The following SBF2 variants were observed in gnomAD, a reference collection of about 807,000 sequenced individuals.
SBF2 encodes SET binding factor 2.
SBF2 carries 112 observed loss-of-function variants against 225.2 expected under a neutral mutation model. That is an observed-to-expected ratio of 0.50 (90% confidence interval 0.43 to 0.58). SBF2 has a LOEUF of 0.58. Among genes scored for constraint, SBF2 ranks in the 20% least tolerant of loss-of-function variants. The probability of loss-of-function intolerance (pLI) is 0.00; values close to 1 mark genes in which losing one functional copy is unlikely to be tolerated. For synonymous variants in SBF2, 763 were observed against 773.3 expected (o/e 0.99, Z 0.22); for missense variants, 1,996 against 2,206.2 (o/e 0.90, Z 1.91).
At chr11:9,911,073 A>C (rs947362910) in intron 16 of SBF2, among the ~76,000 whole-genome samples, 12 of 150,096 alleles carry the variant, frequency 8.0e-5, no homozygotes, top group Admixed American at 1.3e-4. Context: ...AACAAAAAAA[A>C]CAAAAAAAAC....
intron 1 of SBF2, among the ~76,000 whole-genome samples, chr11:10,200,459 G>C (rs1478586964): frequency 1.3e-5 from 2 of 152,050 alleles, no homozygotes; most frequent in Non-Finnish European, 2.9e-5. Context: ...ATGAAGAATG[G>C]TGTTATTTAA....
At chr11:9,822,685 A>C (rs985555726) in intron 28 of SBF2, among the ~76,000 whole-genome samples, 1 of 152,188 alleles carries the variant, frequency 6.6e-6, no homozygotes, top group Non-Finnish European at 1.5e-5. Context: ...GGAATGCGTT[A>C]CTGTTCAGAG....
At chr11:9,933,871 G>C (rs60713856) in intron 16 of SBF2, among the ~76,000 whole-genome samples, 24,694 of 152,046 alleles carry the variant, frequency 0.16, 2,163 homozygotes, top group East Asian at 0.38. Context: ...TGAATCCAGG[G>C]GCTGGTTTTT....
chr11:10,175,532 A>G (rs1334405979), intron 2 of SBF2, among the ~76,000 whole-genome samples: 3 of 151,798 alleles, frequency 2.0e-5, no homozygotes, highest in Admixed American at 6.6e-5. Context: ...GCGACCTACA[A>G]AGAGACTTAG....
intron 2 of SBF2, among the ~76,000 whole-genome samples, chr11:10,180,637 T>G (rs1956701927): frequency 6.6e-6 from 1 of 152,210 alleles, no homozygotes; most frequent in Admixed American, 6.5e-5. Context: ...TAATTTTCTG[T>G]TATTATCACT....
At chr11:9,965,818 G>A (rs1199930784) in intron 14 of SBF2, among the ~76,000 whole-genome samples, 1 of 152,050 alleles carries the variant, frequency 6.6e-6, no homozygotes, top group Non-Finnish European at 1.5e-5. Flanking sequence ...TTAATTTCCT[G>A]GTTAAACTGA....
intron 2 of SBF2, among the ~76,000 whole-genome samples, chr11:10,150,305 T>C (rs745655228): frequency 6.6e-6 from 1 of 152,172 alleles, no homozygotes; most frequent in Non-Finnish European, 1.5e-5. Context: ...TATTTCGTTG[T>C]CATTCTTTTA....
At chr11:9,974,435 A>G (rs1296087164) in intron 13 of SBF2, among the ~76,000 whole-genome samples, 1 of 152,108 alleles carries the variant, frequency 6.6e-6, no homozygotes, top group Non-Finnish European at 1.5e-5. Flanking sequence ...GTAGGGTGGG[A>G]GGGTTGCTCC....
intron 28 of SBF2, among the ~76,000 whole-genome samples, chr11:9,827,552 T>G (rs1225690693): frequency 6.6e-6 from 1 of 150,760 alleles, no homozygotes; most frequent in Non-Finnish European, 1.5e-5. Context: ...AAAAAAAGAA[T>G]CTGGTCTGGA....
chr11:9,874,163 CAA>C (rs1159616879), intron 17 of SBF2, among the ~76,000 whole-genome samples: 2 of 152,026 alleles, frequency 1.3e-5, no homozygotes, highest in African/African-American at 2.4e-5. Flanking sequence ...AGACTAATGA[CAA>C]AGAGAATCTA....
At chr11:9,813,132 G>A (rs1854283814) in intron 29 of SBF2, among the ~76,000 whole-genome samples, 1 of 152,186 alleles carries the variant, frequency 6.6e-6, no homozygotes, top group Admixed American at 6.5e-5. Context: ...TTCCCAAGAT[G>A]TATATGGTAA....
chr11:10,223,534 T>C (rs1418863525), intron 1 of SBF2, among the ~76,000 whole-genome samples: 1 of 150,898 alleles, frequency 6.6e-6, no homozygotes, highest in South Asian at 2.1e-4. Context: ...ACTGTATTTA[T>C]CAATACTGAA....
chr11:10,120,608 T>A (rs1053002481), intron 2 of SBF2, among the ~76,000 whole-genome samples: 2 of 152,194 alleles, frequency 1.3e-5, no homozygotes, highest in East Asian at 3.9e-4. Flanking sequence ...ACACTTGTTG[T>A]TTTCTGTTTG....
intron 2 of SBF2, among the ~76,000 whole-genome samples, chr11:10,089,918 G>A (rs547158648): frequency 6.6e-6 from 1 of 152,130 alleles, no homozygotes; most frequent in South Asian, 2.1e-4. Context: ...ATAGCCAAAA[G>A]GTGGAAACAA....
At chr11:9,873,665 T>C (rs962197427) in intron 17 of SBF2, among the ~76,000 whole-genome samples, 3 of 152,330 alleles carry the variant, frequency 2.0e-5, no homozygotes, top group East Asian at 1.9e-4. Context: ...ACCTAGAAAG[T>C]TGGCTATTAT....
intron 16 of SBF2, among the ~76,000 whole-genome samples, chr11:9,909,669 C>CAA (rs10595029): frequency 2.4e-5 from 3 of 123,116 alleles, no homozygotes; most frequent in East Asian, 2.5e-4. Flanking sequence ...GACTCTGTCT[C>CAA]AAAAAAAAAA....
chr11:10,122,943 T>C (rs1953548614), intron 2 of SBF2, among the ~76,000 whole-genome samples: 2 of 152,210 alleles, frequency 1.3e-5, no homozygotes, highest in Non-Finnish European at 2.9e-5. Flanking sequence ...GTACAGCATG[T>C]AGTTACACAC....
At chr11:10,006,062 C>G (rs922836299) in intron 6 of SBF2, among the ~76,000 whole-genome samples, 2 of 152,178 alleles carry the variant, frequency 1.3e-5, no homozygotes, top group Non-Finnish European at 2.9e-5. Context: ...GTTTCCTCTG[C>G]TTTTTCAACT....
At chr11:10,120,684 G>A (rs1953396318) in intron 2 of SBF2, among the ~76,000 whole-genome samples, 1 of 152,090 alleles carries the variant, frequency 6.6e-6, no homozygotes, top group Non-Finnish European at 1.5e-5. Flanking sequence ...GCAGTGGCGT[G>A]ATCTCAGCTC....
Sources: gnomAD v4.1 joint callset for allele counts (sites outside exome capture counted in the v4.1 genomes callset) on GRCh38, gnomAD v4.1.1 for gene constraint, MANE v1.5 for transcripts, NCBI Gene and HGNC (gene_info 2026-07-23, HGNC 2026-07-21) for gene names.